Variants in MYL1 observed in about 807,000 individuals in gnomAD.
The protein encoded by MYL1 is myosin light chain 1/3, skeletal muscle isoform.
A neutral mutation model predicts 21.8 loss-of-function variants in MYL1; 16 were observed. The ratio of observed to expected loss-of-function variants is 0.74; its 90% confidence interval spans 0.50 to 1.12. The LOEUF (loss-of-function observed/expected upper bound fraction) is 1.12. MYL1 is among the 50% of genes most tolerant of loss of function. The pLI, the probability that MYL1 is intolerant of heterozygous loss-of-function variation, is 0.00. For missense variants in MYL1, 246 were observed against 241.0 expected (o/e 1.02, Z -0.14); for synonymous variants, 99 against 85.2 (o/e 1.16, Z -0.89).
At chr2:210,305,540 T>C (rs564044295) in intron 1 of MYL1, among the ~76,000 whole-genome samples, 1 of 152,266 alleles carries the variant, frequency 6.6e-6, no homozygotes, top group Admixed American at 6.5e-5. Flanking sequence ...ATTTATGTAA[T>C]TATGTTATTA....
chr2:210,298,395 C>G, intron 3 of MYL1, 25 bp downstream of exon 3: 1 of 1,612,016 alleles, frequency 6.2e-7, no homozygotes, highest in Non-Finnish European at 8.5e-7. Flanking sequence ...TACTTCCACA[C>G]TTCTTGGAAA....
chr2:210,314,082 T>C (rs963670066), intron 1 of MYL1, among the ~76,000 whole-genome samples: 7 of 152,152 alleles, frequency 4.6e-5, no homozygotes, highest in Non-Finnish European at 7.4e-5. Flanking sequence ...TACCTATTTT[T>C]CCAAAAGCAG....
At chr2:210,313,815 A>G (rs952564753) in intron 1 of MYL1, among the ~76,000 whole-genome samples, 4 of 152,086 alleles carry the variant, frequency 2.6e-5, no homozygotes, top group Admixed American at 2.0e-4. Context: ...TAAATGGTCA[A>G]TGAAATGTTT....
intron 3 of MYL1, among the ~76,000 whole-genome samples, chr2:210,296,896 T>C (rs927239860): frequency 3.9e-5 from 6 of 152,006 alleles, no homozygotes; most frequent in African/African-American, 1.2e-4. Context: ...TATCTTTCCA[T>C]CCCTGGCTCA....
Position 210,294,294 on chromosome 2 carries a change from G to C in MYL1, c.429C>G (p.Gly143=). 1 of 1,613,938 alleles carries C rather than the reference G, an allele frequency of 6.2e-7. No individual in the cohort carries two copies. The highest frequency in any genetic ancestry group is 1.3e-5 in the African/African-American group (1 of 75,020). ...VEGLRVFDKE[G]NGTVMGAELR... is the part of the protein sequence containing the mutation. Reference sequence around the variant, plus strand: ...GTTCAGCACCCATGACTGTGCCATTGCCTTCCTTGTCAAAGACACGCAGAC... The same window carrying C: ...GTTCAGCACCCATGACTGTGCCATTCCCTTCCTTGTCAAAGACACGCAGAC... The change falls in exon 4 of 7, where the codon GGC becomes GGG. Residue 143 remains glycine, a synonymous_variant. Coordinates refer to ENST00000352451, the MANE Select transcript of MYL1 (RefSeq NM_079420.3).
chr2:210,293,963 T>G (rs535903517), intron 4 of MYL1, among the ~76,000 whole-genome samples, 163 bp from the exon 5 acceptor site: 1 of 152,364 alleles, frequency 6.6e-6, no homozygotes, highest in Admixed American at 6.5e-5. Context: ...AATTGGTTTT[T>G]GAATGAGTTA....
Position 210,290,215 on chromosome 2 carries a change from T to C in MYL1, c.*267A>G, listed in dbSNP as rs944036628. On this transcript the variant is annotated 3_prime_UTR_variant, in exon 7 of 7. Transcript: ENST00000352451. ...AGAATGTTTGTTGATTCATGGTAGA[T>C]AATAAAGAATGGTGCTTGGATTTGA... is the stretch of plus-strand genomic sequence containing the variant. 6.6e-6 allele frequency: 1 copy of C among 152,172 alleles called. No homozygotes were observed. Among genetic ancestry groups the C allele is most frequent in the African/African-American group, 2.4e-5 (1 of 41,464 alleles). The allele number at this position is 152,172 out of a possible 1,614,324, so 9.4% of individuals were successfully genotyped here.
chr2:210,296,166 A>G (rs531453206), intron 3 of MYL1, among the ~76,000 whole-genome samples: 1 of 152,308 alleles, frequency 6.6e-6, no homozygotes, highest in South Asian at 2.1e-4. Flanking sequence ...TTCGATTGAC[A>G]CATACTAATT....
At chr2:210,290,801 G>A (rs1198925026) in intron 6 of MYL1, among the ~76,000 whole-genome samples, 1 of 152,094 alleles carries the variant, frequency 6.6e-6, no homozygotes, top group African/African-American at 2.4e-5. Context: ...CAGTCACAAA[G>A]ATAGAATTTA....
At chr2:210,293,869 C>T in intron 4 of MYL1, 69 bp from the exon 5 acceptor site, 7 of 1,350,800 alleles carry the variant, frequency 5.2e-6, no homozygotes, top group Non-Finnish European at 7.4e-6. Context: ...CATAGGTCAT[C>T]AGTCAAGGGC....
Position 210,315,106 on chromosome 2 carries a change from A to T in MYL1, c.-64T>A. ...TCCTCCAAAAGAACCTGTCAAAATG[A>T]TTCTTGGAAGAGGAGTGGTGGTTGG... On this transcript the variant is annotated 5_prime_UTR_variant, in exon 1 of 7. Coordinates refer to ENST00000352451, the MANE Select transcript of MYL1 (RefSeq NM_079420.3). 1 of 1,573,062 alleles carries T rather than the reference A, an allele frequency of 6.4e-7. No homozygotes were observed. Among genetic ancestry groups the T allele is most frequent in the Non-Finnish European group, 8.6e-7 (1 of 1,167,984 alleles).
At chr2:210,311,579 C>T (rs1476696058) in intron 1 of MYL1, among the ~76,000 whole-genome samples, 1 of 151,976 alleles carries the variant, frequency 6.6e-6, no homozygotes, top group Non-Finnish European at 1.5e-5. Flanking sequence ...GATTCACAAT[C>T]CTATCACCTC....
intron 5 of MYL1, among the ~76,000 whole-genome samples, chr2:210,292,996 C>T (rs544362166): frequency 7.8e-4 from 118 of 152,124 alleles, no homozygotes; most frequent in African/African-American, 2.6e-3. Context: ...CTTCTCCCTC[C>T]TTTCCTTTCT....
intron 4 of MYL1, 94 bp from the exon 5 acceptor site, chr2:210,293,894 T>C: frequency 1.9e-6 from 2 of 1,056,094 alleles, no homozygotes; most frequent in Non-Finnish European, 1.5e-6. Flanking sequence ...GAGACTAAAC[T>C]CTTGACATAT....
At chr2:210,298,009 C>T (rs1348064297) in intron 3 of MYL1, among the ~76,000 whole-genome samples, 2 of 151,922 alleles carry the variant, frequency 1.3e-5, no homozygotes, top group African/African-American at 4.8e-5. Flanking sequence ...TGTGTTTTTG[C>T]CTTTGAAGAT....
At chr2:210,306,035 G>A (rs1690337188) in intron 1 of MYL1, among the ~76,000 whole-genome samples, 1 of 150,302 alleles carries the variant, frequency 6.7e-6, no homozygotes, top group Admixed American at 6.7e-5. Flanking sequence ...ACTCCAACCT[G>A]GGCAGCAAGA....
chr2:210,302,970 T>C, intron 1 of MYL1: 1 of 610,990 alleles, frequency 1.6e-6, no homozygotes, highest in Non-Finnish European at 2.9e-6. Context: ...TTGCAAAAGA[T>C]AATTAGGGAA....
rs762281555 is a variant in MYL1 at position 210,314,962 on chromosome 2, G to GGCAGGT, written c.75_80dup (p.Pro30_Ala31dup). ...CTTCTTTGGGTTTGGCTGGGGCAGGGGCAGGTGCAGGTGCCGGTGCCGGGG... is the reference window on the plus strand; with the variant it reads ...CTTCTTTGGGTTTGGCTGGGGCAGGGGCAGGTGCAGGTGCAGGTGCCGGTGCCGGGG... On this transcript the variant is annotated inframe_insertion, in exon 1 of 7. Transcript: ENST00000352451. 3.1e-6 allele frequency: 5 copies of GGCAGGT among 1,613,232 alleles called. No homozygotes were observed. In the Admixed American group the frequency reaches 8.3e-5, roughly 27 times the overall value.
At chr2:210,309,978 A>G (rs1690394426) in intron 1 of MYL1, among the ~76,000 whole-genome samples, 1 of 151,982 alleles carries the variant, frequency 6.6e-6, no homozygotes, top group Non-Finnish European at 1.5e-5. Context: ...GCCCTTTAAT[A>G]TTTTCCCACT....
Sources: allele counts gnomAD v4.1 joint callset (sites outside exome capture counted in the v4.1 genomes callset), GRCh38; gene constraint gnomAD v4.1.1; transcripts MANE v1.5; gene names NCBI Gene and HGNC (gene_info 2026-07-23, HGNC 2026-07-21).